The following ZNF253 variants were observed in gnomAD, a reference collection of about 807,000 sequenced individuals.
ZNF253 encodes the protein DNA-binding protein.
A neutral mutation model predicts 11.9 loss-of-function variants in ZNF253; 8 were observed. The observed-to-expected ratio is 0.67, with a 90% CI of 0.40 to 1.22. The LOEUF (loss-of-function observed/expected upper bound fraction) is 1.22. Ranked by LOEUF, ZNF253 falls within the 50% of genes most tolerant of loss-of-function variation. ZNF253 has a pLI of 0.01. For synonymous variants in ZNF253, 194 were observed against 194.9 expected (o/e 1.00, Z 0.04); for missense variants, 485 against 586.9 (o/e 0.83, Z 1.79).
Position 19,891,594 on chromosome 19 carries a change from G to A in ZNF253, c.347G>A (p.Cys116Tyr), listed in dbSNP as rs567322525. 46 of 1,614,118 alleles carry A rather than the reference G, an allele frequency of 2.8e-5. No homozygotes were observed. In the South Asian group the frequency reaches 4.8e-4, roughly 17 times the overall value. The change falls in exon 4 of 4, where the codon TGT becomes TAT. Residue 116 changes from cysteine (C) to tyrosine (Y), a missense_variant. By Grantham distance (194) the Cys-to-Tyr change is radical. Coordinates refer to ENST00000589717, the MANE Select transcript of ZNF253 (RefSeq NM_021047.3). ...GACAATTTACAGTTAAAAAAAGGCT[G>A]TAAAAGCGTGGGTGAGCATAAGGTG... Reference protein sequence around the residue: ...RHDNLQLKKGCKSVGEHKVHK... With the variant: ...RHDNLQLKKGYKSVGEHKVHK...
At position 19,891,898 on chromosome 19, in the gene ZNF253, A is replaced by G. The variant is rs1437319243; in HGVS notation, c.651A>G (p.Thr217=). Reference sequence around the variant, plus strand: ...TTAACCAATCTGCAAACCTTACTACACATAAGAGAATTCATACCGGAGAGA... The same window carrying G: ...TTAACCAATCTGCAAACCTTACTACGCATAAGAGAATTCATACCGGAGAGA... The part of the protein sequence containing the change: ...KAFNQSANLT[T]HKRIHTGEKP... The change falls in exon 4 of 4, where the codon ACA becomes ACG. Residue 217 remains threonine, a synonymous_variant. Coordinates refer to ENST00000589717, the MANE Select transcript of ZNF253 (RefSeq NM_021047.3). 5 of 1,614,044 alleles carry G rather than the reference A, an allele frequency of 3.1e-6. No homozygotes were observed. The highest frequency in any genetic ancestry group is 4.2e-6 in the Non-Finnish European group (5 of 1,180,006).
At chr19:19,869,117 T>G (rs2145254459) in intron 1 of ZNF253, among the ~76,000 whole-genome samples, 1 of 152,310 alleles carries the variant, frequency 6.6e-6, no homozygotes, top group African/African-American at 2.4e-5. Flanking sequence ...ACACAGAAGC[T>G]TAGCAGAAAG....
intron 1 of ZNF253, among the ~76,000 whole-genome samples, chr19:19,871,453 A>G (rs1218348978): frequency 6.6e-6 from 1 of 152,204 alleles, no homozygotes; most frequent in Non-Finnish European, 1.5e-5. Flanking sequence ...GCCAGGGAGT[A>G]CAGAGCCACT....
At chr19:19,875,377 A>C (rs2063150670) in intron 1 of ZNF253, among the ~76,000 whole-genome samples, 1 of 144,002 alleles carries the variant, frequency 6.9e-6, no homozygotes, top group African/African-American at 2.8e-5. Context: ...AATTTTCTCT[A>C]AACTACATTA....
intron 2 of ZNF253, among the ~76,000 whole-genome samples, chr19:19,879,010 A>G (rs1051661518): frequency 6.6e-6 from 1 of 152,198 alleles, no homozygotes; most frequent in Non-Finnish European, 1.5e-5. Flanking sequence ...AGTAAGAACA[A>G]AGAATAAAAA....
At chr19:19,872,859 A>G (rs1369477073) in intron 1 of ZNF253, among the ~76,000 whole-genome samples, 3 of 151,856 alleles carry the variant, frequency 2.0e-5, no homozygotes, top group African/African-American at 7.3e-5. Context: ...AGCAGCCTCT[A>G]TGAGGGGATC....
chr19:19,878,334 T>C, intron 1 of ZNF253, 147 bp from the exon 2 acceptor site: 1 of 1,371,006 alleles, frequency 7.3e-7, no homozygotes. Flanking sequence ...TAGAGAATAT[T>C]TTTGGGTTGA....
chr19:19,890,985 T>G (rs1330075342), intron 3 of ZNF253, among the ~76,000 whole-genome samples: 1 of 150,966 alleles, frequency 6.6e-6, no homozygotes, highest in African/African-American at 2.5e-5. Flanking sequence ...GGATTAAATG[T>G]GCCCGCCACC....
chr19:19,880,565 C>T (rs996807611), intron 3 of ZNF253, among the ~76,000 whole-genome samples: 4 of 151,824 alleles, frequency 2.6e-5, no homozygotes, highest in Non-Finnish European at 2.9e-5. Context: ...ATTAGCTGGG[C>T]GTGGTGGTGG....
chr19:19,872,784 A>G (rs185435481), intron 1 of ZNF253, among the ~76,000 whole-genome samples: 1 of 151,604 alleles, frequency 6.6e-6, no homozygotes, highest in Non-Finnish European at 1.5e-5. Flanking sequence ...TAAACTGTCT[A>G]CTTATATTCA....
chr19:19,890,929 C>T (rs2063226612), intron 3 of ZNF253, among the ~76,000 whole-genome samples: 1 of 143,884 alleles, frequency 7.0e-6, no homozygotes, highest in Non-Finnish European at 1.5e-5. Context: ...GCAGTCTTTG[C>T]CTCCCTGGTT....
In ZNF253 at chr19:19,892,532, T is replaced by C. The variant is rs201234302; in HGVS notation, c.1285T>C (p.Cys429Arg). Reference sequence around the variant, plus strand: ...AGAGAAACCCTACAAATGTGAAGAATGTGGCAAATCCTTTACTGCATCCTC... The same window carrying C: ...AGAGAAACCCTACAAATGTGAAGAACGTGGCAAATCCTTTACTGCATCCTC... ...TGEKPYKCEE[C>R]GKSFTASSTL... The change falls in exon 4 of 4, where the codon TGT becomes CGT. Residue 429 changes from cysteine to arginine, a missense_variant. This residue lies in a region of ZNF253 where 232 missense variants were observed against 321.4 expected (regional missense o/e 0.72). Transcript: ENST00000589717. The C allele has an allele frequency of 4.2e-4, 679 of 1,613,890 alleles. 1 individual carries two copies. Among genetic ancestry groups the C allele is most frequent in the South Asian group, 1.2e-3 (106 of 91,078 alleles).
intron 1 of ZNF253, among the ~76,000 whole-genome samples, chr19:19,874,537 A>T (rs1169993595): frequency 6.7e-6 from 1 of 149,960 alleles, no homozygotes; most frequent in Non-Finnish European, 1.5e-5. Flanking sequence ...AAATTACCCT[A>T]GAAAACCTTT....
chr19:19,886,787 A>T lies in ZNF253; in HGVS notation c.227-4687A>T, dbSNP rs924910230. 2.0e-5 allele frequency among the ~76,000 whole-genome samples: 3 copies of T among 152,214 alleles called. No individual in the cohort carries two copies. The East Asian group carries it at 5.8e-4, about 29-fold the overall frequency. On this transcript the variant is annotated intron_variant, in intron 3 of 3. Coordinates refer to ENST00000589717, the MANE Select transcript of ZNF253 (RefSeq NM_021047.3). The stretch of plus-strand genomic sequence containing the variant: ...AATAAACCTTTTTTCTTTATAAATT[A>T]TGCTACTCTCAAGTATTCCTCTATA...
In ZNF253 at chr19:19,878,604, C is replaced by T. The variant is rs1287285235; in HGVS notation, c.127C>T (p.Leu43Phe). 1.2e-6 allele frequency: 2 copies of T among 1,611,710 alleles called. No individual in the cohort carries two copies. Among genetic ancestry groups the T allele is most frequent in the East Asian group, 2.2e-5 (1 of 44,838 alleles). The change falls in exon 2 of 4, where the codon CTT becomes TTT. Residue 43 changes from leucine to phenylalanine, a missense_variant. Physicochemically the swap from Leu to Phe is conservative, Grantham distance 22. This residue lies in a region of ZNF253 where 35 missense variants were observed against 52.4 expected (regional missense o/e 0.67). Coordinates refer to ENST00000589717, the MANE Select transcript of ZNF253 (RefSeq NM_021047.3). ...AGAGAACTACAGAAACTTGGTCTTC[C>T]TTGGTGAGGACAACTTGAATATATA... Reference protein sequence around the residue: ...MLENYRNLVFLGIVVSKPDLV... With the variant: ...MLENYRNLVFFGIVVSKPDLV...
rs1265307433 is a variant in ZNF253 at position 19,892,979 on chromosome 19, C to G, written c.*232C>G. The G allele has an allele frequency of 2.2e-6, 1 of 451,128 alleles. No individual in the cohort carries two copies. The highest frequency in any genetic ancestry group is 3.7e-5 in the East Asian group (1 of 27,100). The allele number at this position is 451,128 out of a possible 1,614,324, so 27.9% of individuals were successfully genotyped here. A position where few individuals can be genotyped will look rare whatever the true frequency, so the allele number is the denominator to read the frequency against. ...AACCTATAAACCTATAACAAGTTCTCAATTCCTTTTTTTTTGAGATGGAGT... is the reference window on the plus strand; with the variant it reads ...AACCTATAAACCTATAACAAGTTCTGAATTCCTTTTTTTTTGAGATGGAGT... On this transcript the variant is annotated 3_prime_UTR_variant, in exon 4 of 4. Coordinates refer to ENST00000589717, the MANE Select transcript of ZNF253 (RefSeq NM_021047.3).
intron 3 of ZNF253, among the ~76,000 whole-genome samples, chr19:19,885,216 ATTCTTTCT>A (rs1162456298): frequency 0.026 from 1,794 of 69,118 alleles, 177 homozygotes; most frequent in Non-Finnish European, 0.03. Flanking sequence ...TTTTTTTTGT[ATTCTTTCT>A]TTCTTTCTTT....
At chr19:19,877,380 CT>C (rs57209218) in intron 1 of ZNF253, among the ~76,000 whole-genome samples, 206 of 144,870 alleles carry the variant, frequency 1.4e-3, no homozygotes, top group Admixed American at 2.3e-3. Flanking sequence ...TCTTCTTCTT[CT>C]TTTTTTTTTT....
At chr19:19,869,432 TCG>T (rs2063123562) in intron 1 of ZNF253, among the ~76,000 whole-genome samples, 1 of 151,990 alleles carries the variant, frequency 6.6e-6, no homozygotes, top group Admixed American at 6.5e-5. Context: ...TGGTTTGATC[TCG>T]GCTCAGGCAA....
Sources: allele counts gnomAD v4.1 joint callset (sites outside exome capture counted in the v4.1 genomes callset), GRCh38; gene constraint gnomAD v4.1.1; regional missense constraint gnomAD v4.1.1; transcripts MANE v1.5; gene names NCBI Gene and HGNC (gene_info 2026-07-23, HGNC 2026-07-21).